Variants in DCC observed in about 807,000 individuals in gnomAD.
DCC encodes netrin receptor DCC.
A neutral mutation model predicts 172.5 loss-of-function variants in DCC; 58 were observed. The ratio of observed to expected loss-of-function variants is 0.34; its 90% CI spans 0.27 to 0.42. DCC has a LOEUF of 0.42. Ranked by LOEUF, DCC falls within the 10% of genes least tolerant of loss-of-function variation. The pLI is 1.00. For synonymous variants in DCC, 709 were observed against 644.5 expected, an observed-to-expected ratio of 1.10 and a Z score of -1.52; for missense variants, 1,740 against 1,791.0, an observed-to-expected ratio of 0.97 and a Z score of 0.51.
chr18:52,406,787 C>A (rs1032564140), intron 1 of DCC, among the ~76,000 whole-genome samples: 2 of 152,020 alleles, frequency 1.3e-5, no homozygotes, highest in Admixed American at 6.6e-5. Context: ...GCTCCAGAGA[C>A]TGTTAATGAT....
chr18:53,415,599 G>A (rs1910264113), intron 20 of DCC, among the ~76,000 whole-genome samples: 1 of 152,034 alleles, frequency 6.6e-6, no homozygotes, highest in Non-Finnish European at 1.5e-5. Flanking sequence ...GTCCTCTGAA[G>A]TTGTCAACAA....
At chr18:52,571,839 T>G (rs8094588) in intron 1 of DCC, among the ~76,000 whole-genome samples, 3 of 152,082 alleles carry the variant, frequency 2.0e-5, no homozygotes, top group Non-Finnish European at 2.9e-5. Flanking sequence ...GACTTCAATA[T>G]GTCCATCAAT....
At chr18:53,039,562 C>T (rs923443619) in intron 5 of DCC, among the ~76,000 whole-genome samples, 1 of 151,954 alleles carries the variant, frequency 6.6e-6, no homozygotes. Context: ...CCCAAACCAC[C>T]TATTCCAAGC....
At chr18:52,532,264 T>C (rs2032172545) in intron 1 of DCC, among the ~76,000 whole-genome samples, 1 of 152,202 alleles carries the variant, frequency 6.6e-6, no homozygotes, top group South Asian at 2.1e-4. Context: ...ATATACATTT[T>C]GCATGTGATT....
At chr18:52,516,994 C>G (rs945539584) in intron 1 of DCC, among the ~76,000 whole-genome samples, 28 of 152,238 alleles carry the variant, frequency 1.8e-4, no homozygotes, top group Admixed American at 1.8e-3. Context: ...TGTAACCAGG[C>G]ACACGTAAGC....
At chr18:53,351,301 A>ATATATATATATATACACAGTG (rs2057791516) in intron 15 of DCC, among the ~76,000 whole-genome samples, 1 of 29,546 alleles carries the variant, frequency 3.4e-5, no homozygotes, top group African/African-American at 6.3e-5. Flanking sequence ...GTATATATAT[A>ATATATATATATATACACAGTG]TATATATATA....
At chr18:53,189,711 G>A (rs564959051) in intron 9 of DCC, among the ~76,000 whole-genome samples, 10 of 152,226 alleles carry the variant, frequency 6.6e-5, no homozygotes, top group South Asian at 2.1e-4. Flanking sequence ...GTAGGACATA[G>A]CACTTTCTGA....
chr18:53,309,350 C>G lies in DCC; in HGVS notation c.2053+3631C>G, dbSNP rs111965951. On this transcript the variant is annotated intron_variant, in intron 13 of 28. Transcript: ENST00000442544. ...CACTGTGCCTGGCCTCTCTCCTCTT[C>G]CAATTAGGACATTAGAGATAGAGCC... 5.5e-3 allele frequency among the ~76,000 whole-genome samples: 837 copies of G among 152,194 alleles called. 15 individuals carry two copies. Among genetic ancestry groups the G allele is most frequent in the African/African-American group, 0.019 (787 of 41,538 alleles).
chr18:52,877,177 C>T (rs920966154), intron 2 of DCC, among the ~76,000 whole-genome samples: 1 of 152,126 alleles, frequency 6.6e-6, no homozygotes, highest in Non-Finnish European at 1.5e-5. Flanking sequence ...GGTCCAGATA[C>T]TTGTATGTTG....
At chr18:53,225,540 T>C (rs2144602285) in intron 12 of DCC, among the ~76,000 whole-genome samples, 1 of 152,100 alleles carries the variant, frequency 6.6e-6, no homozygotes, top group African/African-American at 2.4e-5. Flanking sequence ...AGAGAACAGG[T>C]CTGGATGCTG....
At chr18:53,165,627 T>C (rs1484306508) in intron 8 of DCC, among the ~76,000 whole-genome samples, 1 of 152,210 alleles carries the variant, frequency 6.6e-6, no homozygotes, top group Admixed American at 6.5e-5. Context: ...TTTTAATTCA[T>C]TGAATGAGAG....
intron 2 of DCC, among the ~76,000 whole-genome samples, chr18:52,785,543 A>G (rs962776615): frequency 1.4e-4 from 22 of 152,074 alleles, no homozygotes; most frequent in African/African-American, 4.8e-4. Context: ...TGTGGGGAAA[A>G]GCAGCTAGGG....
At chr18:53,529,778 G>A (rs781052027) in intron 28 of DCC, among the ~76,000 whole-genome samples, 47 of 152,218 alleles carry the variant, frequency 3.1e-4, no homozygotes, top group Non-Finnish European at 5.6e-4. Flanking sequence ...TAAGCCTAGC[G>A]ACCTGGTATT....
chr18:53,410,753 G>A (rs1909932529), intron 20 of DCC, 107 bp downstream of exon 20: 6 of 751,628 alleles, frequency 8.0e-6, no homozygotes, highest in Middle Eastern at 2.4e-4. Context: ...TAGCAACATG[G>A]CTGCAGTGGA....
chr18:52,532,088 A>G (rs773820650), intron 1 of DCC, among the ~76,000 whole-genome samples: 14 of 152,156 alleles, frequency 9.2e-5, no homozygotes, highest in South Asian at 2.1e-4. Context: ...CATCAAATCT[A>G]CAGGTATATT....
chr18:53,143,727 T>C (rs1449384409), intron 7 of DCC, among the ~76,000 whole-genome samples: 1 of 152,252 alleles, frequency 6.6e-6, no homozygotes, highest in Non-Finnish European at 1.5e-5. Context: ...AGTCAGTAAT[T>C]TTAAAATGTT....
At chr18:52,666,565 G>A (rs1285614366) in intron 1 of DCC, among the ~76,000 whole-genome samples, 3 of 152,100 alleles carry the variant, frequency 2.0e-5, no homozygotes, top group East Asian at 1.9e-4. Context: ...TTTATGATTC[G>A]TGTTTCTGCC....
At chr18:52,862,924 T>C (rs1336847243) in intron 2 of DCC, among the ~76,000 whole-genome samples, 1 of 152,118 alleles carries the variant, frequency 6.6e-6, no homozygotes, top group Non-Finnish European at 1.5e-5. Flanking sequence ...TACACAAATA[T>C]CTTGTTCCAA....
At chr18:52,507,333 C>T (rs528061758) in intron 1 of DCC, among the ~76,000 whole-genome samples, 1 of 152,266 alleles carries the variant, frequency 6.6e-6, no homozygotes, top group East Asian at 1.9e-4. Context: ...AATATATTAA[C>T]ACAGTGCTTG....
Sources: gnomAD v4.1 joint callset for allele counts (sites outside exome capture counted in the v4.1 genomes callset) on GRCh38, gnomAD v4.1.1 for gene constraint, MANE v1.5 for transcripts, NCBI Gene and HGNC (gene_info 2026-07-23, HGNC 2026-07-21) for gene names.